The following XPNPEP2 variants were observed in gnomAD, a reference collection of about 807,000 sequenced individuals.
XPNPEP2 encodes xaa-Pro aminopeptidase 2.
A neutral mutation model predicts 59.8 loss-of-function variants in XPNPEP2; 64 were observed. The observed-to-expected ratio is 1.07, with a 90% CI of 0.87 to 1.32. XPNPEP2 has a LOEUF of 1.32. Among genes scored for constraint, XPNPEP2 ranks in the 40% most tolerant of loss-of-function variants. The pLI, the probability that XPNPEP2 is intolerant of heterozygous loss-of-function variation, is 0.00. For missense variants in XPNPEP2, 575 were observed against 546.8 expected (o/e 1.05, Z -0.51); for synonymous variants, 235 against 210.0 (o/e 1.12, Z -1.03).
chrX:129,759,534 G>A (rs190371873), intron 15 of XPNPEP2, among the ~76,000 whole-genome samples: 2 of 112,731 alleles, frequency 1.8e-5, no homozygotes, highest in Non-Finnish European at 3.8e-5. Flanking sequence ...GCAGAAAGGA[G>A]AAAGAAAGGC....
At chrX:129,753,115 A>G (rs1047633767) in intron 10 of XPNPEP2, 44 bp from the exon 11 acceptor site, 1 of 1,116,279 alleles carries the variant, frequency 9.0e-7, no homozygotes, top group African/African-American at 1.8e-5. Flanking sequence ...GTGCCCCCAG[A>G]CCTGTGCCCC....
chrX:129,747,671 C>G lies in XPNPEP2; in HGVS notation c.555C>G (p.Thr185=), dbSNP rs1926325095. The change falls in exon 7 of 21, where the codon ACC becomes ACG. Residue 185 remains threonine (T), a synonymous_variant. Transcript: ENST00000371106. ...GSNRQLVSIT[T]NLVDLVWGSE... Reference sequence around the variant, plus strand: ...ACAGACAGCTGGTGTCCATCACAACCAATCTTGTGGACCTGGTATGGGGAT... The same window carrying G: ...ACAGACAGCTGGTGTCCATCACAACGAATCTTGTGGACCTGGTATGGGGAT... 2.5e-6 allele frequency: 3 copies of G among 1,210,685 alleles called. No individual in the cohort carries two copies. The highest frequency in any genetic ancestry group is 3.5e-5 in the South Asian group (2 of 56,896).
At chrX:129,767,387 C>T (rs750554599) in intron 19 of XPNPEP2, among the ~76,000 whole-genome samples, 1 of 111,530 alleles carries the variant, frequency 9.0e-6, no homozygotes, top group Non-Finnish European at 1.9e-5. Flanking sequence ...TTTCCAGAAT[C>T]AGGAGGGAAG....
chrX:129,768,809 C>T lies in XPNPEP2; in HGVS notation c.*324C>T. ...GGCCTAACCTATAACCTAGCACAGA[C>T]TGCTACAGCTGCTCCCCTCCCGCCA... On this transcript the variant is annotated 3_prime_UTR_variant, in exon 21 of 21. Coordinates refer to ENST00000371106, the MANE Select transcript of XPNPEP2 (RefSeq NM_003399.6). The T allele has an allele frequency of 6.1e-6, 1 of 163,879 alleles. No individual in the cohort carries two copies. Among genetic ancestry groups the T allele is most frequent in the Admixed American group, 8.0e-5 (1 of 12,483 alleles). 13.5% of individuals were successfully genotyped at this position (163,879 alleles called of 1,213,427 possible).
chrX:129,746,548 G>T, intron 5 of XPNPEP2, 47 bp from the exon 6 acceptor site: 1 of 1,148,208 alleles, frequency 8.7e-7, no homozygotes. Context: ...AGAGCCTGGG[G>T]CTGGCCCTGA....
At chrX:129,760,821 G>A in intron 16 of XPNPEP2, among the ~76,000 whole-genome samples, 1 of 112,357 alleles carries the variant, frequency 8.9e-6, no homozygotes, top group South Asian at 3.6e-4. Context: ...GCTCAGAGGT[G>A]GGAGAGATCA....
Position 129,742,189 on chromosome X carries a change from C to G in XPNPEP2, c.123+8C>G. The stretch of plus-strand genomic sequence containing the variant: ...TGTTCCACCAACCCCCCTGTGAGTG[C>G]CCCCTGCCCCCCGCGCACGGCCCCC... On this transcript the variant is annotated splice_region_variant and intron_variant, in intron 2 of 20. Transcript: ENST00000371106. The G allele has an allele frequency of 2.3e-6, 2 of 861,267 alleles. No homozygotes were observed. The highest frequency in any genetic ancestry group is 3.1e-6 in the Non-Finnish European group (2 of 649,680). The allele number at this position is 861,267 out of a possible 1,213,427, so 71.0% of individuals were successfully genotyped here.
At chrX:129,741,495 G>A (rs755201721) in intron 1 of XPNPEP2, among the ~76,000 whole-genome samples, 55 of 112,335 alleles carry the variant, frequency 4.9e-4, no homozygotes, top group African/African-American at 1.6e-3. Context: ...AGATACTGTA[G>A]ATGAATTGCT....
chrX:129,761,886 G>A, intron 17 of XPNPEP2, 120 bp from the exon 18 acceptor site: 1 of 672,200 alleles, frequency 1.5e-6, no homozygotes, highest in Non-Finnish European at 2.4e-6. Context: ...ATGATGTGAT[G>A]GACCTGTGCT....
intron 2 of XPNPEP2, 24 bp downstream of exon 2, chrX:129,742,205 C>T: frequency 1.2e-6 from 1 of 849,806 alleles, no homozygotes; most frequent in Middle Eastern, 5.3e-4. Context: ...GCCCCCCGCG[C>T]ACGGCCCCCC....
In XPNPEP2 at chrX:129,760,522, C is replaced by T; in HGVS notation, c.1439C>T (p.Thr480Ile). 8.3e-7 allele frequency: 1 copy of T among 1,211,853 alleles called. No individual in the cohort carries two copies. The highest frequency in any genetic ancestry group is 1.1e-6 in the Non-Finnish European group (1 of 895,355). The change falls in exon 16 of 21, where the codon ACC (threonine) becomes ATC (isoleucine). Residue 480 changes from threonine (T) to isoleucine (I), a missense_variant. By Grantham distance (89) the Thr-to-Ile change is moderately conservative. Coordinates refer to ENST00000371106, the MANE Select transcript of XPNPEP2 (RefSeq NM_003399.6). The stretch of plus-strand genomic sequence containing the variant: ...TCCTCTCCCCATCAGGAGGCATACA[C>T]CCGTGTGCTGATAGGAAATATTGAC... ...TPSAFQKEAY[T>I]RVLIGNIDLS...
intron 4 of XPNPEP2, 33 bp downstream of exon 4, chrX:129,745,299 T>C (rs1476039215): frequency 8.3e-7 from 1 of 1,205,579 alleles, no homozygotes; most frequent in Non-Finnish European, 1.1e-6. Context: ...ATTGCTTTTG[T>C]TGGTAGATCC....
chrX:129,761,371 C>G (rs1926654512), intron 17 of XPNPEP2, 95 bp downstream of exon 17: 12 of 781,606 alleles, frequency 1.5e-5, no homozygotes, highest in Non-Finnish European at 2.2e-5. Context: ...GACAAAGACC[C>G]ACAAAGATGC....
intron 11 of XPNPEP2, 26 bp downstream of exon 11, chrX:129,753,274 G>A (rs1409920236): frequency 2.6e-6 from 3 of 1,173,450 alleles, no homozygotes; most frequent in Non-Finnish European, 3.5e-6. Flanking sequence ...GGCAGACATG[G>A]CCTTTTGGGA....
rs1926454701 is a variant in XPNPEP2, at chrX:129,753,257, A to G, written c.1107+9A>G. On this transcript the variant is annotated intron_variant, in intron 11 of 20. Transcript: ENST00000371106. Reference sequence around the variant, plus strand: ...TCCTCAAGGCCAGCCACGTAAGTCCACGTTCAGGCAGACATGGCCTTTTGG... The same window carrying G: ...TCCTCAAGGCCAGCCACGTAAGTCCGCGTTCAGGCAGACATGGCCTTTTGG... The G allele has an allele frequency of 8.3e-7, 1 of 1,202,299 alleles. No individual in the cohort carries two copies. The highest frequency in any genetic ancestry group is 1.8e-5 in the South Asian group (1 of 56,658).
chrX:129,768,287 G>A lies in XPNPEP2; in HGVS notation c.1831-4G>A, dbSNP rs748208099. 7.5e-5 allele frequency: 86 copies of A among 1,151,895 alleles called. No individual in the cohort carries two copies. The Middle Eastern group carries it at 5.9e-3, about 79-fold the overall frequency. 94.9% of individuals were successfully genotyped at this position (1,151,895 alleles called of 1,213,427 possible). On this transcript the variant is annotated splice_region_variant and splice_polypyrimidine_tract_variant and intron_variant, in intron 20 of 20. Transcript: ENST00000371106. ...GAGGCTGTCACCCCTTCTATCCTTC[G>A]CAGCTCCAGTACCTGAATCGCTACT...
In XPNPEP2 at chrX:129,753,199, C is replaced by CTGGGAGT. The variant is rs2124032439; in HGVS notation, c.1058_1059insTGGGAGT (p.Lys354GlyfsTer43). ...GACACCTACTCCCCAGTGATGATGA[C>CTGGGAGT]CAAGGCAGTGAAGAACAGCAAGGAG... On this transcript the variant is annotated frameshift_variant, in exon 11 of 21. Coordinates refer to ENST00000371106, the MANE Select transcript of XPNPEP2 (RefSeq NM_003399.6). LOFTEE classifies it high-confidence loss of function. 1 of 1,209,880 alleles carries CTGGGAGT rather than the reference C, an allele frequency of 8.3e-7. No individual in the cohort carries two copies. Among genetic ancestry groups the CTGGGAGT allele is most frequent in the Admixed American group, 2.2e-5 (1 of 45,760 alleles).
chrX:129,752,036 C>T, intron 9 of XPNPEP2, 114 bp from the exon 10 acceptor site: 2 of 957,217 alleles, frequency 2.1e-6, no homozygotes, highest in Middle Eastern at 3.7e-4. Context: ...GCCTGCTTGG[C>T]TCCCTGGGGC....
At position 129,746,266 on chromosome X, in the gene XPNPEP2, C is replaced by T. The variant is rs866955033; in HGVS notation, c.329C>T (p.Ala110Val). The T allele has an allele frequency of 8.3e-7, 1 of 1,211,334 alleles. No individual in the cohort carries two copies. Among genetic ancestry groups the T allele is most frequent in the Non-Finnish European group, 1.1e-6 (1 of 895,452 alleles). Residue 110 changes from alanine (A) to valine (V), a missense_variant, in exon 5 of 21, where the codon GCT becomes GTT. Transcript: ENST00000371106. ...GCAGTGGTGACTATGAAGAAAGCAG[C>T]TGTCTGGACCGACAGTCGCTACTGG... ...GTAVVTMKKA[A>V]VWTDSRYWTQ...
Sources: allele counts gnomAD v4.1 joint callset (sites outside exome capture counted in the v4.1 genomes callset), GRCh38; gene constraint gnomAD v4.1.1; transcripts MANE v1.5; gene names NCBI Gene and HGNC (gene_info 2026-07-23, HGNC 2026-07-21).